Variants in TBCA observed in about 807,000 individuals in gnomAD.
TBCA encodes the protein tubulin folding cofactor A.
TBCA carries 6 observed loss-of-function variants against 15.8 expected under a neutral mutation model. The ratio of observed to expected loss-of-function variants is 0.38; its 90% CI spans 0.21 to 0.75. The LOEUF is 0.75. TBCA is among the 30% of genes least tolerant of loss of function. The pLI, the probability that TBCA is intolerant of heterozygous loss-of-function variation, is 0.46. For synonymous variants in TBCA, 32 were observed against 42.3 expected, an observed-to-expected ratio of 0.76 and a Z score of 0.94; for missense variants, 90 against 131.2, an observed-to-expected ratio of 0.69 and a Z score of 1.53.
chr5:77,693,980 C>T (rs1485921520), intron 2 of TBCA, among the ~76,000 whole-genome samples: 1 of 152,100 alleles, frequency 6.6e-6, no homozygotes, highest in South Asian at 2.1e-4. Context: ...TAAACTATTT[C>T]CCCTGCTGTT....
At chr5:77,703,051 CAT>C (rs1580093950) in intron 2 of TBCA, among the ~76,000 whole-genome samples, 1 of 152,040 alleles carries the variant, frequency 6.6e-6, no homozygotes, top group Non-Finnish European at 1.5e-5. Flanking sequence ...TTAGGAAAAA[CAT>C]AGAAACATGT....
At chr5:77,692,295 G>T in intron 3 of TBCA, 1 of 985,358 alleles carries the variant, frequency 1.0e-6, no homozygotes, top group Non-Finnish European at 1.2e-6. Context: ...AATTTGCTTA[G>T]CTCAAACTAT....
chr5:77,734,556 G>T (rs935985949), intron 1 of TBCA, among the ~76,000 whole-genome samples: 1 of 152,112 alleles, frequency 6.6e-6, no homozygotes, highest in Non-Finnish European at 1.5e-5. Context: ...GTGACCAAAC[G>T]GCTACAGTCT....
At chr5:77,694,924 T>C (rs904368343) in intron 2 of TBCA, among the ~76,000 whole-genome samples, 1 of 152,206 alleles carries the variant, frequency 6.6e-6, no homozygotes, top group Non-Finnish European at 1.5e-5. Context: ...ATTATTTTAC[T>C]TCAGAGCTAA....
At chr5:77,761,684 G>A (rs1463641893) in intron 1 of TBCA, among the ~76,000 whole-genome samples, 2 of 151,522 alleles carry the variant, frequency 1.3e-5, no homozygotes, top group African/African-American at 4.8e-5. Context: ...TTTCAATTCA[G>A]GGAATTTAAT....
chr5:77,721,778 T>C (rs978310194), intron 1 of TBCA, among the ~76,000 whole-genome samples: 1 of 152,106 alleles, frequency 6.6e-6, no homozygotes, highest in Non-Finnish European at 1.5e-5. Flanking sequence ...CTAAGTCACC[T>C]TATTTATAGC....
At chr5:77,695,216 A>G (rs1378032829) in intron 2 of TBCA, among the ~76,000 whole-genome samples, 2 of 152,198 alleles carry the variant, frequency 1.3e-5, no homozygotes, top group Non-Finnish European at 2.9e-5. Flanking sequence ...AATAACTTCT[A>G]TTCATTAAAA....
intron 1 of TBCA, among the ~76,000 whole-genome samples, chr5:77,772,339 T>C (rs1269143935): frequency 1.3e-5 from 2 of 152,138 alleles, no homozygotes; most frequent in Non-Finnish European, 2.9e-5. Flanking sequence ...AGGTAAAATA[T>C]AGATTTTTAA....
chr5:77,722,619 C>G (rs1235562115), intron 1 of TBCA, among the ~76,000 whole-genome samples: 1 of 151,954 alleles, frequency 6.6e-6, no homozygotes, highest in Non-Finnish European at 1.5e-5. Flanking sequence ...TTTAACTCAA[C>G]CCTTCCCAAA....
chr5:77,707,884 T>G (rs1181938599), intron 2 of TBCA, among the ~76,000 whole-genome samples: 1 of 152,164 alleles, frequency 6.6e-6, no homozygotes, highest in East Asian at 1.9e-4. Flanking sequence ...CCAGGTGTGG[T>G]GGCTCATGCC....
chr5:77,752,874 TAG>T (rs1747383937), intron 1 of TBCA, among the ~76,000 whole-genome samples: 2 of 152,110 alleles, frequency 1.3e-5, no homozygotes, highest in African/African-American at 4.8e-5. Flanking sequence ...TTATTTTTAA[TAG>T]AGACGGAGTT....
intron 1 of TBCA, among the ~76,000 whole-genome samples, chr5:77,743,782 T>C (rs956328105): frequency 1.3e-5 from 2 of 152,194 alleles, no homozygotes; most frequent in African/African-American, 4.8e-5. Flanking sequence ...CAACCTCTTC[T>C]GGGAGTTTTC....
chr5:77,724,477 C>G (rs2112459964), intron 1 of TBCA, among the ~76,000 whole-genome samples: 1 of 152,072 alleles, frequency 6.6e-6, no homozygotes, highest in East Asian at 1.9e-4. Context: ...TTTATCTAAG[C>G]CATACTTAAA....
At chr5:77,697,702 A>G (rs1006854035) in intron 2 of TBCA, among the ~76,000 whole-genome samples, 6 of 152,172 alleles carry the variant, frequency 3.9e-5, no homozygotes, top group African/African-American at 1.2e-4. Context: ...TTTAATTTAA[A>G]TAAGTTCTTG....
chr5:77,739,443 T>A (rs1430963419), intron 1 of TBCA, among the ~76,000 whole-genome samples: 1 of 152,056 alleles, frequency 6.6e-6, no homozygotes. Flanking sequence ...ACAGAGTGAG[T>A]GAGGCGCTGT....
intron 1 of TBCA, among the ~76,000 whole-genome samples, chr5:77,724,677 A>G (rs910757407): frequency 6.6e-6 from 1 of 152,156 alleles, no homozygotes; most frequent in Admixed American, 6.5e-5. Context: ...GGCAAAAGCT[A>G]CTAGAAGTTT....
At chr5:77,713,115 G>A (rs1167872337) in intron 1 of TBCA, among the ~76,000 whole-genome samples, 6 of 152,110 alleles carry the variant, frequency 3.9e-5, no homozygotes, top group East Asian at 1.9e-4. Flanking sequence ...GCAACACGGC[G>A]AGATTTTGTC....
intron 1 of TBCA, among the ~76,000 whole-genome samples, chr5:77,724,328 T>C (rs1040056998): frequency 2.6e-5 from 4 of 152,136 alleles, no homozygotes; most frequent in East Asian, 3.8e-4. Flanking sequence ...TTTAGTAATA[T>C]CTTCCAATTG....
intron 1 of TBCA, among the ~76,000 whole-genome samples, chr5:77,756,399 G>C (rs960163989): frequency 6.6e-6 from 1 of 152,156 alleles, no homozygotes; most frequent in South Asian, 2.1e-4. Flanking sequence ...TTGGGCTCCC[G>C]GTCACTCAGA....
Sources: allele counts gnomAD v4.1 joint callset (sites outside exome capture counted in the v4.1 genomes callset), GRCh38; gene constraint gnomAD v4.1.1; transcripts MANE v1.5; gene names NCBI Gene and HGNC (gene_info 2026-07-23, HGNC 2026-07-21).